The following BEND5 variants were observed in gnomAD, a reference collection of about 807,000 sequenced individuals.
The protein encoded by BEND5 is BEN domain containing 5.
BEND5 carries 22 observed loss-of-function variants against 43.9 expected under a neutral mutation model. The ratio of observed to expected loss-of-function variants is 0.50; its 90% CI spans 0.36 to 0.72. The LOEUF is 0.72. BEND5 is among the 30% of genes least tolerant of loss of function. The pLI, the probability that BEND5 is intolerant of heterozygous loss-of-function variation, is 0.00. For missense variants in BEND5, 428 were observed against 550.6 expected, an observed-to-expected ratio of 0.78 and a Z score of 2.23; for synonymous variants, 228 against 225.9, an observed-to-expected ratio of 1.01 and a Z score of -0.08.
intron 1 of BEND5, among the ~76,000 whole-genome samples, chr1:48,771,816 A>G (rs1174864535): frequency 6.6e-6 from 1 of 152,210 alleles, no homozygotes; most frequent in Non-Finnish European, 1.5e-5. Context: ...TGAGCCCTGA[A>G]TGAGCTAAAA....
At chr1:48,735,418 AAGAC>A (rs1480959837) in intron 5 of BEND5, among the ~76,000 whole-genome samples, 4 of 152,052 alleles carry the variant, frequency 2.6e-5, no homozygotes, top group Admixed American at 6.6e-5. Context: ...GGAAAGAAAA[AAGAC>A]AGAGGAGAAA....
chr1:48,774,454 G>T lies in BEND5; in HGVS notation c.226+2152C>A, dbSNP rs183170440. Among the ~76,000 whole-genome samples the T allele has an allele frequency of 9.5e-4, 145 of 152,302 alleles. 2 individuals are homozygous for T. In the South Asian group the frequency reaches 0.014, roughly 15 times the overall value. On this transcript the variant is annotated intron_variant, in intron 1 of 5. Transcript: ENST00000371833. ...AGATCAAAATTCAAAATGTGGTTTG[G>T]CCAACTTCAAGTTGTTGTCTTTTTT...
chr1:48,753,973 T>G (rs1400721633), intron 3 of BEND5, among the ~76,000 whole-genome samples: 1 of 152,214 alleles, frequency 6.6e-6, no homozygotes, highest in Non-Finnish European at 1.5e-5. Flanking sequence ...TCACACTGCG[T>G]ACATATTTGT....
intron 5 of BEND5, among the ~76,000 whole-genome samples, chr1:48,731,150 C>T (rs1029666486): frequency 2.0e-5 from 3 of 152,116 alleles, no homozygotes; most frequent in Non-Finnish European, 4.4e-5. Flanking sequence ...AATCTCAATC[C>T]AGCAGACAGC....
At chr1:48,729,884 T>C (rs1246475129) in intron 5 of BEND5, among the ~76,000 whole-genome samples, 1 of 152,124 alleles carries the variant, frequency 6.6e-6, no homozygotes, top group Non-Finnish European at 1.5e-5. Context: ...GTCTTGGCCT[T>C]TCCATAAGGA....
At chr1:48,729,025 T>C (rs1241533204) in intron 5 of BEND5, among the ~76,000 whole-genome samples, 5 of 152,300 alleles carry the variant, frequency 3.3e-5, no homozygotes, top group African/African-American at 7.2e-5. Flanking sequence ...CCGACTTCAA[T>C]TGACTGCCTA....
chr1:48,733,022 T>C (rs1278969021), intron 5 of BEND5, among the ~76,000 whole-genome samples: 1 of 152,124 alleles, frequency 6.6e-6, no homozygotes, highest in Non-Finnish European at 1.5e-5. Flanking sequence ...ACTGGGGACC[T>C]TGGTGAAAAC....
At chr1:48,763,000 C>A (rs1427443820) in intron 1 of BEND5, among the ~76,000 whole-genome samples, 1 of 152,102 alleles carries the variant, frequency 6.6e-6, no homozygotes, top group Non-Finnish European at 1.5e-5. Context: ...GTGCCTGCTA[C>A]ACACTGAACA....
intron 3 of BEND5, among the ~76,000 whole-genome samples, chr1:48,754,785 T>C (rs768539825): frequency 4.4e-4 from 67 of 152,044 alleles, no homozygotes; most frequent in Admixed American, 1.0e-3. Context: ...ATGATATCCT[T>C]TGTGGGGAGT....
chr1:48,771,428 A>G lies in BEND5; in HGVS notation c.226+5178T>C, dbSNP rs150012685. 9.8e-5 allele frequency among the ~76,000 whole-genome samples: 15 copies of G among 152,348 alleles called. No individual in the cohort carries two copies. In the East Asian group the frequency reaches 2.9e-3, roughly 29 times the overall value. The stretch of plus-strand genomic sequence containing the variant: ...CTGGGACAATTTTTTATTTCTGCTT[A>G]TGAACCAGAACTCTGAAGCACTCTG... On this transcript the variant is annotated intron_variant, in intron 1 of 5. Transcript: ENST00000371833.
chr1:48,764,070 T>C (rs1644410594), intron 1 of BEND5, among the ~76,000 whole-genome samples: 1 of 152,070 alleles, frequency 6.6e-6, no homozygotes, highest in African/African-American at 2.4e-5. Flanking sequence ...TGAACAAACA[T>C]CCAGTTGGGG....
intron 3 of BEND5, among the ~76,000 whole-genome samples, chr1:48,747,160 C>A (rs77731599): frequency 0.024 from 3,599 of 152,264 alleles, 40 homozygotes; most frequent in Middle Eastern, 0.048. Context: ...TAAGCACTTG[C>A]GTTAAGAGAC....
At chr1:48,761,587 GA>G (rs1473357077) in intron 1 of BEND5, 117 bp from the exon 2 acceptor site, 4 of 1,100,100 alleles carry the variant, frequency 3.6e-6, no homozygotes, top group Non-Finnish European at 5.1e-6. Flanking sequence ...AGTTAAAAAG[GA>G]AAAACAAACA....
intron 5 of BEND5, among the ~76,000 whole-genome samples, chr1:48,730,895 A>G (rs1394360917): frequency 6.6e-6 from 1 of 152,220 alleles, no homozygotes; most frequent in Non-Finnish European, 1.5e-5. Flanking sequence ...TTTGACCTTA[A>G]TAGGTTTAAC....
chr1:48,769,132 C>T (rs749447552), intron 1 of BEND5, among the ~76,000 whole-genome samples: 7 of 152,164 alleles, frequency 4.6e-5, no homozygotes, highest in African/African-American at 1.4e-4. Flanking sequence ...GCTATGTGAC[C>T]GCTGGCCAGT....
chr1:48,761,811 A>G (rs1644268372), intron 1 of BEND5, among the ~76,000 whole-genome samples: 1 of 152,208 alleles, frequency 6.6e-6, no homozygotes, highest in African/African-American at 2.4e-5. Flanking sequence ...TATCTGATCT[A>G]AACTAAAATG....
chr1:48,733,517 C>T (rs556677326), intron 5 of BEND5, among the ~76,000 whole-genome samples: 3 of 152,258 alleles, frequency 2.0e-5, no homozygotes, highest in South Asian at 2.1e-4. Context: ...AATTTAAAAA[C>T]GGCTTGGAAA....
Position 48,776,642 on chromosome 1 carries a change from G to C in BEND5, c.190C>G (p.Leu64Val). The part of the protein sequence containing the change: ...PPRAPRDWGA[L>V]LLHKAQILAL... ...AGGATCTGGGCCTTGTGGAGCAACAGCGCGCCCCAGTCGCGGGGGGCGCGC... is the reference window on the plus strand; with the variant it reads ...AGGATCTGGGCCTTGTGGAGCAACACCGCGCCCCAGTCGCGGGGGGCGCGC... Residue 64 changes from leucine (L) to valine (V), a missense_variant, in exon 1 of 6, where the codon CTG (leucine) becomes GTG (valine). Physicochemically the swap from Leu to Val is conservative, Grantham distance 32 (BLOSUM62 1). Around this residue, in one of 4 missense-constraint regions of BEND5, gnomAD observed 107 missense variants for 98.8 expected, o/e 1.08. Transcript: ENST00000371833. 6.7e-7 allele frequency: 1 copy of C among 1,484,458 alleles called. No homozygotes were observed. Among genetic ancestry groups the C allele is most frequent in the Non-Finnish European group, 8.9e-7 (1 of 1,121,772 alleles). The allele number at this position is 1,484,458 out of a possible 1,614,324, so 92.0% of individuals were successfully genotyped here.
At chr1:48,769,385 GT>G (rs1644691590) in intron 1 of BEND5, among the ~76,000 whole-genome samples, 2 of 152,126 alleles carry the variant, frequency 1.3e-5, no homozygotes, top group African/African-American at 4.8e-5. Context: ...GGAGCCATTT[GT>G]CTAGCTGCCT....
Sources: gnomAD v4.1 joint callset for allele counts (sites outside exome capture counted in the v4.1 genomes callset) on GRCh38, gnomAD v4.1.1 for gene constraint, gnomAD v4.1.1 regional missense constraint, MANE v1.5 for transcripts, NCBI Gene and HGNC (gene_info 2026-07-23, HGNC 2026-07-21) for gene names.